CHIC2: variants seen among roughly 807,000 people sequenced by gnomAD.
CHIC2 encodes cysteine rich hydrophobic domain 2.
A neutral mutation model predicts 25.9 loss-of-function variants in CHIC2; 14 were observed. The observed-to-expected ratio is 0.54, with a 90% CI of 0.36 to 0.85. CHIC2 has a LOEUF of 0.85. Among genes scored for constraint, CHIC2 ranks in the 40% least tolerant of loss-of-function variants. The probability of loss-of-function intolerance (pLI) is 0.01; values close to 1 mark genes in which losing one functional copy is unlikely to be tolerated. For missense variants in CHIC2, 146 were observed against 202.0 expected (o/e 0.72, Z 1.68); for synonymous variants, 70 against 72.0 (o/e 0.97, Z 0.14).
the CHIC2 span, among the ~76,000 whole-genome samples, chr4:54,075,842 C>T: frequency 2.0e-5 from 3 of 152,156 alleles, no homozygotes; most frequent in Admixed American, 6.5e-5. Context: ...GCCACTGTGC[C>T]GGCCATATTT....
At chr4:54,051,183 T>A (rs1194484619) in intron 1 of CHIC2, among the ~76,000 whole-genome samples, 1 of 151,958 alleles carries the variant, frequency 6.6e-6, no homozygotes, top group Admixed American at 6.6e-5. Flanking sequence ...CACCCCTCCA[T>A]AGCTCCCTAT....
chr4:54,090,558 A>G, the CHIC2 span, among the ~76,000 whole-genome samples: 506 of 152,248 alleles, frequency 3.3e-3, 4 homozygotes, highest in African/African-American at 0.011. Context: ...TTTCCCCACA[A>G]CATTCCATCA....
chr4:54,025,528 C>T (rs191706594), intron 3 of CHIC2, among the ~76,000 whole-genome samples: 11 of 152,256 alleles, frequency 7.2e-5, no homozygotes, highest in Admixed American at 6.5e-5. Flanking sequence ...GTGGTCTCTT[C>T]GCACGGATGC....
the CHIC2 span, among the ~76,000 whole-genome samples, chr4:54,079,971 A>G: frequency 6.6e-6 from 1 of 151,910 alleles, no homozygotes; most frequent in Non-Finnish European, 1.5e-5. Context: ...GAACTCCTAT[A>G]TGATCCAGCA....
upstream of CHIC2, among the ~76,000 whole-genome samples, chr4:54,068,200 G>A (rs1394441992): frequency 6.6e-6 from 1 of 152,068 alleles, no homozygotes; most frequent in Admixed American, 6.5e-5. Context: ...AGCCACCCAG[G>A]CTACGATGTA....
rs565609271 is a variant in CHIC2, at chr4:54,040,700, T to C, written c.330+8255A>G. 1.9e-4 allele frequency among the ~76,000 whole-genome samples: 17 copies of C among 88,124 alleles called. No homozygotes were observed. In the South Asian group the frequency reaches 2.2e-3, roughly 11 times the overall value. 57.8% of individuals were successfully genotyped at this position (88,124 alleles called of 152,430 possible). ...CCTGGGTGATAAAAGTGAAACTCTG[T>C]CTCAAAAAAAAAAAAAAAAAAAAAA... On this transcript the variant is annotated intron_variant, in intron 3 of 5. Transcript: ENST00000263921.
chr4:54,082,703 T>G, the CHIC2 span, among the ~76,000 whole-genome samples: 2 of 152,208 alleles, frequency 1.3e-5, no homozygotes, highest in African/African-American at 4.8e-5. Context: ...GTTTCCCAGG[T>G]GTATTCCAGT....
chr4:54,074,297 G>T, the CHIC2 span, among the ~76,000 whole-genome samples: 1 of 152,086 alleles, frequency 6.6e-6, no homozygotes, highest in Non-Finnish European at 1.5e-5. Context: ...TAAGACACTG[G>T]TTTTCACTTT....
chr4:54,052,979 ATCT>A (rs1347369427), intron 1 of CHIC2, among the ~76,000 whole-genome samples: 56 of 136,096 alleles, frequency 4.1e-4, no homozygotes, highest in African/African-American at 2.1e-3. Flanking sequence ...TAAGAAAATT[ATCT>A]TATCTCAATA....
intron 3 of CHIC2, among the ~76,000 whole-genome samples, chr4:54,045,834 C>G (rs1177355131): frequency 6.6e-6 from 1 of 151,528 alleles, no homozygotes; most frequent in Non-Finnish European, 1.5e-5. Context: ...AAAGGGCATT[C>G]AATTAGGAAA....
intron 1 of CHIC2, among the ~76,000 whole-genome samples, chr4:54,058,969 C>T (rs774659348): frequency 2.6e-5 from 4 of 152,040 alleles, no homozygotes; most frequent in African/African-American, 4.8e-5. Context: ...ATTTCATATC[C>T]CTTGGTAGGC....
At chr4:54,057,497 C>T (rs1175427523) in intron 1 of CHIC2, among the ~76,000 whole-genome samples, 1 of 152,130 alleles carries the variant, frequency 6.6e-6, no homozygotes, top group Non-Finnish European at 1.5e-5. Context: ...TCTCATCCTT[C>T]CTAAATGTTA....
At chr4:54,013,374 G>C (rs1715645213) in intron 5 of CHIC2, among the ~76,000 whole-genome samples, 1 of 152,038 alleles carries the variant, frequency 6.6e-6, no homozygotes, top group Admixed American at 6.6e-5. Flanking sequence ...CTTTAAAAGA[G>C]ATTCTTTAAA....
At chr4:54,069,618 G>C in the CHIC2 span, among the ~76,000 whole-genome samples, 7 of 152,326 alleles carry the variant, frequency 4.6e-5, no homozygotes, top group African/African-American at 1.4e-4. Flanking sequence ...CTGGTGATCA[G>C]CTCTCATCCT....
At chr4:54,042,483 C>T (rs569003140) in intron 3 of CHIC2, among the ~76,000 whole-genome samples, 5 of 152,120 alleles carry the variant, frequency 3.3e-5, no homozygotes, top group Non-Finnish European at 7.4e-5. Flanking sequence ...CATCTTATTA[C>T]TCATTTAAAG....
chr4:54,022,942 C>A (rs1328708073), intron 3 of CHIC2, among the ~76,000 whole-genome samples: 1 of 152,180 alleles, frequency 6.6e-6, no homozygotes, highest in Non-Finnish European at 1.5e-5. Flanking sequence ...AGTTCAGGAT[C>A]TGTGCCTTAG....
chr4:54,044,207 C>CT (rs1716694184), intron 3 of CHIC2, among the ~76,000 whole-genome samples: 1 of 152,142 alleles, frequency 6.6e-6, no homozygotes, highest in Non-Finnish European at 1.5e-5. Flanking sequence ...TAATGGGAGA[C>CT]TTTAACACCC....
chr4:54,062,329 TTTTA>T (rs59288511), intron 1 of CHIC2, among the ~76,000 whole-genome samples: 8,793 of 151,402 alleles, frequency 0.058, 849 homozygotes, highest in African/African-American at 0.2. Flanking sequence ...ACCTGTGAGA[TTTTA>T]TTTATTTATT....
At chr4:54,068,204 C>T (rs764352683), upstream of CHIC2, among the ~76,000 whole-genome samples, 5 of 152,088 alleles carry the variant, frequency 3.3e-5, no homozygotes, top group Admixed American at 1.3e-4. Context: ...ACCCAGGCTA[C>T]GATGTACTGA....
Sources: allele counts gnomAD v4.1 joint callset (sites outside exome capture counted in the v4.1 genomes callset), GRCh38; gene constraint gnomAD v4.1.1; transcripts MANE v1.5; gene names NCBI Gene and HGNC (gene_info 2026-07-23, HGNC 2026-07-21).